Variants in TNR observed in about 807,000 individuals in gnomAD.
The protein encoded by TNR is tenascin R.
Under a neutral mutation model 150.4 loss-of-function variants are expected in TNR, and 45 were observed. That is an observed-to-expected ratio of 0.30 (90% CI 0.24 to 0.38). TNR has a LOEUF of 0.38. TNR is among the 10% of genes least tolerant of loss of function. The pLI is 1.00. For missense variants in TNR, 1,544 were observed against 1,759.1 expected, an observed-to-expected ratio of 0.88 and a Z score of 2.19; for synonymous variants, 687 against 678.4, an observed-to-expected ratio of 1.01 and a Z score of -0.20.
intron 8 of TNR, among the ~76,000 whole-genome samples, chr1:175,384,941 T>C (rs1369986706): frequency 6.6e-6 from 1 of 152,236 alleles, no homozygotes; most frequent in Non-Finnish European, 1.5e-5. Flanking sequence ...GTGTTATTTA[T>C]TTATTGAATC....
intron 1 of TNR, among the ~76,000 whole-genome samples, chr1:175,539,448 C>T (rs568409639): frequency 2.4e-4 from 36 of 152,300 alleles, no homozygotes; most frequent in Admixed American, 7.8e-4. Flanking sequence ...TGGGAAGGCT[C>T]CCCTTCCCAG....
intron 1 of TNR, among the ~76,000 whole-genome samples, chr1:175,631,337 G>T (rs983507082): frequency 6.6e-6 from 1 of 152,238 alleles, no homozygotes; most frequent in Non-Finnish European, 1.5e-5. Flanking sequence ...ACAATGGAAT[G>T]TTATATAGCT....
chr1:175,598,185 T>C (rs1428533603), intron 1 of TNR, among the ~76,000 whole-genome samples: 1 of 152,180 alleles, frequency 6.6e-6, no homozygotes. Flanking sequence ...GAAATCAGTG[T>C]ATGAACTTCC....
chr1:175,602,422 T>C (rs1031545345), intron 1 of TNR, among the ~76,000 whole-genome samples: 1 of 152,172 alleles, frequency 6.6e-6, no homozygotes, highest in African/African-American at 2.4e-5. Flanking sequence ...GTGATAGTGA[T>C]ATTGCAAGTT....
intron 21 of TNR, 143 bp from the exon 22 acceptor site, chr1:175,324,662 C>T: frequency 1.0e-6 from 1 of 966,590 alleles, no homozygotes; most frequent in Non-Finnish European, 1.6e-6. Context: ...AGTGGCTGTG[C>T]TGAACTCTTA....
At chr1:175,605,912 C>A (rs145718970) in intron 1 of TNR, among the ~76,000 whole-genome samples, 1 of 152,262 alleles carries the variant, frequency 6.6e-6, no homozygotes, top group Non-Finnish European at 1.5e-5. Flanking sequence ...TTTGGTCTGT[C>A]TATCTATCAG....
intron 4 of TNR, among the ~76,000 whole-genome samples, chr1:175,397,708 T>G (rs972466993): frequency 1.3e-5 from 2 of 152,266 alleles, no homozygotes; most frequent in East Asian, 3.8e-4. Flanking sequence ...ATCTTGGAGA[T>G]GATGATGATA....
chr1:175,384,134 A>T (rs1640077056), intron 8 of TNR, among the ~76,000 whole-genome samples: 1 of 152,246 alleles, frequency 6.6e-6, no homozygotes, highest in Non-Finnish European at 1.5e-5. Context: ...GCCGCTTCAA[A>T]CTTCTTATCA....
chr1:175,548,665 T>TAA (rs3032580), intron 1 of TNR, among the ~76,000 whole-genome samples: 76,592 of 146,186 alleles, frequency 0.52, 20,210 homozygotes, highest in Admixed American at 0.64. Context: ...TAAGCAAAAT[T>TAA]AAAAAAAAAA....
chr1:175,379,037 G>T (rs112316289), intron 9 of TNR, among the ~76,000 whole-genome samples: 11,383 of 152,064 alleles, frequency 0.075, 546 homozygotes, highest in South Asian at 0.11. Context: ...AAATTAGCCG[G>T]GCGTGGTGGC....
chr1:175,447,942 T>C (rs1656135521), intron 2 of TNR, among the ~76,000 whole-genome samples: 1 of 152,238 alleles, frequency 6.6e-6, no homozygotes, highest in Non-Finnish European at 1.5e-5. Context: ...CTGCCTGGCA[T>C]GTAGAAAGGG....
chr1:175,655,073 A>G (rs752887805), intron 1 of TNR, among the ~76,000 whole-genome samples: 2 of 151,784 alleles, frequency 1.3e-5, no homozygotes, highest in Non-Finnish European at 2.9e-5. Context: ...TTTGACTCCC[A>G]TGCTTCTGTT....
At chr1:175,359,139 C>CTTTTT (rs758610631) in intron 15 of TNR, among the ~76,000 whole-genome samples, 634 of 42,102 alleles carry the variant, frequency 0.015, 173 homozygotes, top group Non-Finnish European at 0.02. Flanking sequence ...GGGATATCTT[C>CTTTTT]TTTTTTTTTT....
chr1:175,464,770 T>C (rs1656958753), intron 2 of TNR, among the ~76,000 whole-genome samples: 1 of 152,232 alleles, frequency 6.6e-6, no homozygotes, highest in African/African-American at 2.4e-5. Context: ...AACATTTATT[T>C]ATATTCTACT....
intron 20 of TNR, among the ~76,000 whole-genome samples, chr1:175,332,951 C>T (rs1650020771): frequency 1.3e-5 from 2 of 152,206 alleles, no homozygotes; most frequent in Non-Finnish European, 1.5e-5. Context: ...CAAATTTAAT[C>T]TCAGTCTTTT....
chr1:175,331,078 C>CT lies in TNR; in HGVS notation c.3632-844dup, dbSNP rs57439733. Among the ~76,000 whole-genome samples the CT allele has an allele frequency of 1.3e-3, 77 of 59,860 alleles. 3 individuals carry two copies. The highest frequency in any genetic ancestry group is 2.0e-3 in the African/African-American group (31 of 15,800). 39.3% of individuals were successfully genotyped at this position (59,860 alleles called of 152,430 possible). Reference sequence around the variant, plus strand: ...CTTTCTTTCTTTCTTTCTTTCTTTCCTTCTTTCTTTCTTTCTTTCTTTCTC... The same window carrying CT: ...CTTTCTTTCTTTCTTTCTTTCTTTCCTTTCTTTCTTTCTTTCTTTCTTTCTC... On this transcript the variant is annotated intron_variant, in intron 20 of 22. Transcript: ENST00000367674.
At chr1:175,371,461 G>A (rs559412982) in intron 9 of TNR, among the ~76,000 whole-genome samples, 2 of 152,274 alleles carry the variant, frequency 1.3e-5, no homozygotes, top group South Asian at 2.1e-4. Flanking sequence ...CAAGACATTA[G>A]CCTTGCCTTT....
intron 1 of TNR, among the ~76,000 whole-genome samples, chr1:175,737,136 C>T (rs1358916780): frequency 1.3e-5 from 2 of 152,184 alleles, no homozygotes; most frequent in East Asian, 1.9e-4. Flanking sequence ...AGCTGTGTGG[C>T]CTTGGGCAAG....
intron 2 of TNR, among the ~76,000 whole-genome samples, chr1:175,417,012 A>AAAGAAAGG (rs1654500912): frequency 1.8e-5 from 1 of 56,084 alleles, no homozygotes; most frequent in Non-Finnish European, 3.9e-5. Context: ...CATCTCAAAA[A>AAAGAAAGG]AAGAAAGAAA....
Sources: gnomAD v4.1 joint callset for allele counts (sites outside exome capture counted in the v4.1 genomes callset) on GRCh38, gnomAD v4.1.1 for gene constraint, MANE v1.5 for transcripts, NCBI Gene and HGNC (gene_info 2026-07-23, HGNC 2026-07-21) for gene names.